PDE2A: variants seen among roughly 807,000 people sequenced by gnomAD.
PDE2A encodes the protein cGMP-dependent 3',5'-cyclic phosphodiesterase.
PDE2A carries 53 observed loss-of-function variants against 133.6 expected under a neutral mutation model. That is an observed-to-expected ratio of 0.40 (90% CI 0.32 to 0.50). The LOEUF (loss-of-function observed/expected upper bound fraction) is 0.50. PDE2A is among the 20% of genes least tolerant of loss of function. The probability of loss-of-function intolerance (pLI) is 0.73; values close to 1 mark genes in which losing one functional copy is unlikely to be tolerated. For missense variants in PDE2A, 796 were observed against 1,232.4 expected (o/e 0.65, Z 5.30); for synonymous variants, 491 against 490.2 (o/e 1.00, Z -0.02).
chr11:72,609,843 A>G, intron 2 of PDE2A, among the ~76,000 whole-genome samples: 1 of 132,720 alleles, frequency 7.5e-6, no homozygotes, highest in Non-Finnish European at 1.7e-5. Flanking sequence ...TCATGTGAAC[A>G]TGATATGAGG....
chr11:72,672,975 C>T (rs1208380139), intron 1 of PDE2A, among the ~76,000 whole-genome samples: 3 of 151,982 alleles, frequency 2.0e-5, no homozygotes, highest in South Asian at 2.1e-4. Context: ...GATGAATACA[C>T]ACATATAGAT....
intron 3 of PDE2A, among the ~76,000 whole-genome samples, chr11:72,605,700 C>G (rs1856939454): frequency 6.6e-6 from 1 of 152,226 alleles, no homozygotes; most frequent in African/African-American, 2.4e-5. Context: ...CACCCATAAC[C>G]CCAGCCAGGG....
rs754169789 is a variant in PDE2A at position 72,597,630 on chromosome 11, G to A, written c.324-11C>T. 3 of 1,582,928 alleles carry A rather than the reference G, an allele frequency of 1.9e-6. No individual in the cohort carries two copies. The Admixed American group carries it at 5.0e-5, about 26-fold the overall frequency. Reference sequence around the variant, plus strand: ...GAGATGATAGCCTCCCTGAAAAGAGGACATGATGCCACCTTGAGAGCCCCC... The same window carrying A: ...GAGATGATAGCCTCCCTGAAAAGAGAACATGATGCCACCTTGAGAGCCCCC... On this transcript the variant is annotated splice_polypyrimidine_tract_variant and intron_variant, in intron 4 of 30. Coordinates refer to ENST00000334456, the MANE Select transcript of PDE2A (RefSeq NM_002599.5). The surrounding 1 kb of genome is among the most constrained non-coding windows in gnomAD (Gnocchi z 4.6).
chr11:72,613,917 C>G (rs563352413), intron 2 of PDE2A, among the ~76,000 whole-genome samples: 1 of 152,208 alleles, frequency 6.6e-6, no homozygotes, highest in Non-Finnish European at 1.5e-5. Context: ...AACGTATCGA[C>G]CTCTGTGCCT....
At chr11:72,625,896 C>T (rs774299082) in intron 2 of PDE2A, among the ~76,000 whole-genome samples, 3 of 152,206 alleles carry the variant, frequency 2.0e-5, no homozygotes, top group Non-Finnish European at 1.5e-5. Context: ...AAATATTTCC[C>T]GGGAAACGGA....
Position 72,591,300 on chromosome 11 carries a change from C to G in PDE2A, c.546G>C (p.Lys182Asn). The change falls in exon 7 of 31, where the codon AAG (lysine) becomes AAC (asparagine). Residue 182 changes from lysine to asparagine, a missense_variant. Transcript: ENST00000334456. ...NEEWSLQAVE[K>N]HTLVALRRVQ... ...ACATGGCCCCACTCCCACTCACATG[C>G]TTCTCCACCGCCTGCAGGCTCCATT... 6.2e-7 allele frequency: 1 copy of G among 1,613,472 alleles called. No homozygotes were observed. The highest frequency in any genetic ancestry group is 8.5e-7 in the Non-Finnish European group (1 of 1,179,396).
intron 2 of PDE2A, among the ~76,000 whole-genome samples, chr11:72,610,914 G>A (rs561357641): frequency 4.6e-4 from 70 of 152,296 alleles, no homozygotes; most frequent in African/African-American, 1.7e-3. Flanking sequence ...AATACACGCA[G>A]GCTATTATGG....
intron 2 of PDE2A, among the ~76,000 whole-genome samples, chr11:72,628,961 G>T (rs952048176): frequency 6.6e-6 from 1 of 152,224 alleles, no homozygotes; most frequent in Non-Finnish European, 1.5e-5. Context: ...GCTGAGTATA[G>T]GCCTGGGCAC....
At chr11:72,644,819 C>T (rs342320) in intron 1 of PDE2A, among the ~76,000 whole-genome samples, 3,534 of 152,176 alleles carry the variant, frequency 0.023, 141 homozygotes, top group African/African-American at 0.08. Context: ...CGCAGTGGCG[C>T]GATCTCAGCT....
rs1450560165 is a variant in PDE2A, at chr11:72,601,420, G to A, written c.323+3718C>T. ...CCCAGCATGTGAGGATCCCGAGATG[G>A]GAGCAGACCGTTCCCGGTGTCCTCT... On this transcript the variant is annotated intron_variant, in intron 4 of 30. Transcript: ENST00000334456. Among the ~76,000 whole-genome samples, 2 of 136,986 alleles carry A rather than the reference G, an allele frequency of 1.5e-5. 1 individual carries two copies. The highest frequency in any genetic ancestry group is 3.2e-5 in the Non-Finnish European group (2 of 63,322). 89.9% of individuals were successfully genotyped at this position (136,986 alleles called of 152,430 possible). A position where few individuals can be genotyped will look rare whatever the true frequency, so the allele number is the denominator to read the frequency against.
chr11:72,656,960 C>T (rs1375641667), intron 1 of PDE2A, among the ~76,000 whole-genome samples: 2 of 152,208 alleles, frequency 1.3e-5, no homozygotes, highest in South Asian at 4.1e-4. Context: ...CACTCTCTCC[C>T]AGTCCTTCTC....
chr11:72,626,525 A>C (rs1858079958), intron 2 of PDE2A, among the ~76,000 whole-genome samples: 1 of 152,170 alleles, frequency 6.6e-6, no homozygotes, highest in African/African-American at 2.4e-5. Context: ...CTCACTTGAG[A>C]ATGTTAGATA....
rs1857079120 is a variant in PDE2A, at chr11:72,608,745, A to C, written c.151T>G (p.Leu51Val). The change falls in exon 3 of 31, where the codon TTG becomes GTG. Residue 51 changes from leucine (L) to valine (V), a missense_variant. Physicochemically the swap from Leu to Val is conservative, Grantham distance 32. Coordinates refer to ENST00000334456, the MANE Select transcript of PDE2A (RefSeq NM_002599.5). Reference protein sequence around the residue: ...QPCADSLQDALLSLGSVIDIS... With the variant: ...QPCADSLQDAVLSLGSVIDIS... ...TCGATGACAGAGCCCAGACTCAGCA[A>C]GGCGTCCTGGAAGAGAGGAGAGGGC... 6.4e-7 allele frequency: 1 copy of C among 1,554,118 alleles called. No individual in the cohort carries two copies.
Position 72,602,320 on chromosome 11 carries a change from A to C in PDE2A, c.323+2818T>G, listed in dbSNP as rs914078811. The stretch of plus-strand genomic sequence containing the variant: ...CTCACTCCCGCCTTGACCCTTTTCC[A>C]CCCTGTCTCTCCCCACACTGCCCTG... On this transcript the variant is annotated intron_variant, in intron 4 of 30. Coordinates refer to ENST00000334456, the MANE Select transcript of PDE2A (RefSeq NM_002599.5). 2.6e-5 allele frequency among the ~76,000 whole-genome samples: 4 copies of C among 152,046 alleles called. No homozygotes were observed. In the East Asian group the frequency reaches 5.8e-4, roughly 22 times the overall value.
rs1855889157 is a variant in PDE2A at position 72,584,817 on chromosome 11, G to T, written c.1359+55C>A. ...AAACCTCGGGCCGCTCCCCAGCGCC[G>T]CCGGCGGACTCCCGGACACCCCTAG... On this transcript the variant is annotated intron_variant, in intron 17 of 30. Coordinates refer to ENST00000334456, the MANE Select transcript of PDE2A (RefSeq NM_002599.5). The T allele has an allele frequency of 8.1e-6, 13 of 1,609,016 alleles. No homozygotes were observed. The East Asian group carries it at 1.6e-4, about 19-fold the overall frequency.
chr11:72,644,643 T>C (rs981597167), intron 1 of PDE2A, among the ~76,000 whole-genome samples: 37 of 152,384 alleles, frequency 2.4e-4, no homozygotes, highest in African/African-American at 8.9e-4. Flanking sequence ...CAGCCGACCC[T>C]GGCCTGGCAC....
intron 2 of PDE2A, among the ~76,000 whole-genome samples, chr11:72,620,289 C>G (rs1014392108): frequency 3.3e-5 from 5 of 152,150 alleles, no homozygotes; most frequent in African/African-American, 4.8e-5. Flanking sequence ...GCCCTGTGCT[C>G]TCCACCTACC....
At chr11:72,652,806 T>G in intron 1 of PDE2A, 1 of 438,938 alleles carries the variant, frequency 2.3e-6, no homozygotes, top group Middle Eastern at 3.4e-4. Flanking sequence ...GCAGGCTGAC[T>G]TGGGGAAAAG....
chr11:72,580,697 T>A, intron 24 of PDE2A, 73 bp from the exon 25 acceptor site: 3 of 1,250,122 alleles, frequency 2.4e-6, no homozygotes. Context: ...GGCTGAGCAG[T>A]GTCCTGCCCT....
Sources: allele counts gnomAD v4.1 joint callset (sites outside exome capture counted in the v4.1 genomes callset), GRCh38; gene constraint gnomAD v4.1.1; non-coding constraint Gnocchi (gnomAD v3.1); transcripts MANE v1.5; gene names NCBI Gene and HGNC (gene_info 2026-07-23, HGNC 2026-07-21).